COL22A1: variants seen among roughly 807,000 people sequenced by gnomAD.
COL22A1 encodes the protein collagen type XXII alpha 1 chain.
In COL22A1, 221 loss-of-function variants were observed where a neutral mutation model predicts 248.9. The ratio of observed to expected loss-of-function variants is 0.89; its 90% CI spans 0.80 to 0.99. The LOEUF (loss-of-function observed/expected upper bound fraction) is 0.99. Ranked by LOEUF, COL22A1 falls within the 50% of genes least tolerant of loss-of-function variation. The pLI is 0.00. For missense variants in COL22A1, 2,240 were observed against 2,179.0 expected (o/e 1.03, Z -0.56); for synonymous variants, 891 against 793.4 (o/e 1.12, Z -2.07).
intron 18 of COL22A1, among the ~76,000 whole-genome samples, chr8:138,758,406 C>A (rs774324677): frequency 1.3e-5 from 2 of 152,098 alleles, no homozygotes; most frequent in Non-Finnish European, 2.9e-5. Context: ...TATTATACAG[C>A]GGTAGGTAAC....
rs1587007696 is a variant in COL22A1, at chr8:138,903,785, C to T, written c.-73+9834G>A. Among the ~76,000 whole-genome samples the T allele has an allele frequency of 2.0e-5, 3 of 152,156 alleles. No individual in the cohort carries two copies. The South Asian group carries it at 6.2e-4, about 32-fold the overall frequency. On this transcript the variant is annotated intron_variant, in intron 1 of 64. Transcript: ENST00000303045. ...GGGGACCAGAATGAGCTGGCTTGGGCCCCACATCCCCCTGGATGCTGGAAT... is the reference window on the plus strand; with the variant it reads ...GGGGACCAGAATGAGCTGGCTTGGGTCCCACATCCCCCTGGATGCTGGAAT...
At chr8:138,761,749 G>C (rs187224800) in intron 17 of COL22A1, among the ~76,000 whole-genome samples, 2 of 152,188 alleles carry the variant, frequency 1.3e-5, no homozygotes, top group African/African-American at 4.8e-5. Context: ...TGTAAATGTA[G>C]TTTCTTTTGG....
intron 56 of COL22A1, among the ~76,000 whole-genome samples, chr8:138,611,183 C>T (rs1168199619): frequency 6.6e-6 from 1 of 152,268 alleles, no homozygotes. Flanking sequence ...GCTAAGGCCC[C>T]TCTTGCCTCC....
At chr8:138,804,383 T>C (rs1248560448) in intron 10 of COL22A1, among the ~76,000 whole-genome samples, 4 of 152,192 alleles carry the variant, frequency 2.6e-5, no homozygotes, top group Non-Finnish European at 5.9e-5. Context: ...CCCTTTTCAG[T>C]GCTCTTCTCC....
At chr8:138,771,406 T>C (rs1199855885) in intron 16 of COL22A1, among the ~76,000 whole-genome samples, 1 of 152,194 alleles carries the variant, frequency 6.6e-6, no homozygotes, top group African/African-American at 2.4e-5. Flanking sequence ...CCACAGGGCA[T>C]CAGGAAACAC....
intron 1 of COL22A1, among the ~76,000 whole-genome samples, chr8:138,887,407 A>G (rs901476213): frequency 2.6e-5 from 4 of 152,064 alleles, no homozygotes; most frequent in African/African-American, 9.7e-5. Context: ...TTTAGTAGAG[A>G]TGGGGCTTCA....
intron 16 of COL22A1, among the ~76,000 whole-genome samples, chr8:138,766,883 T>C (rs901079343): frequency 1.3e-5 from 2 of 152,162 alleles, no homozygotes; most frequent in African/African-American, 4.8e-5. Context: ...TTGCTGCTGT[T>C]GATTGGGTTT....
intron 37 of COL22A1, among the ~76,000 whole-genome samples, chr8:138,686,651 A>G (rs1826380582): frequency 6.7e-6 from 1 of 148,318 alleles, no homozygotes. Context: ...CCCGGCCCTC[A>G]GCCTGGGCCT....
At chr8:138,811,314 TAC>T (rs1049909999) in intron 9 of COL22A1, among the ~76,000 whole-genome samples, 2 of 149,758 alleles carry the variant, frequency 1.3e-5, no homozygotes, top group African/African-American at 4.9e-5. Flanking sequence ...TACACATACA[TAC>T]ACACACATAT....
At chr8:138,772,115 C>G (rs950064716) in intron 16 of COL22A1, among the ~76,000 whole-genome samples, 1 of 152,188 alleles carries the variant, frequency 6.6e-6, no homozygotes, top group Non-Finnish European at 1.5e-5. Flanking sequence ...CCCACCCGCA[C>G]ATCGCCAAAA....
intron 41 of COL22A1, 104 bp downstream of exon 41, chr8:138,676,445 GAAAGAAAGA>G (rs1460768942): frequency 8.9e-5 from 49 of 551,414 alleles, no homozygotes; most frequent in East Asian, 3.7e-4. Flanking sequence ...AAGAAAGAAA[GAAAGAAAGA>G]AAGGAAGAAA....
chr8:138,616,841 G>A, intron 54 of COL22A1, 73 bp downstream of exon 54: 2 of 1,560,088 alleles, frequency 1.3e-6, no homozygotes, highest in Admixed American at 1.7e-5. Context: ...CCTGCAGGCT[G>A]CAAGTATCTT....
rs1416377906 is a variant in COL22A1 at position 138,909,792 on chromosome 8, G to A, written c.-73+3827C>T. Among the ~76,000 whole-genome samples, 5 of 152,106 alleles carry A rather than the reference G, an allele frequency of 3.3e-5. No homozygotes were observed. The East Asian group carries it at 5.8e-4, about 18-fold the overall frequency. On this transcript the variant is annotated intron_variant, in intron 1 of 64. Coordinates refer to ENST00000303045, the MANE Select transcript of COL22A1 (RefSeq NM_152888.3). Reference sequence around the variant, plus strand: ...CAGGGCCACCCTCAAACACTCTCTGGGTATCTGCCAGGACTTCCCTTTGCT... The same window carrying A: ...CAGGGCCACCCTCAAACACTCTCTGAGTATCTGCCAGGACTTCCCTTTGCT...
intron 7 of COL22A1, among the ~76,000 whole-genome samples, chr8:138,814,991 TC>T (rs1818559763): frequency 1.3e-5 from 2 of 152,128 alleles, no homozygotes; most frequent in South Asian, 2.1e-4. Context: ...GATAATTGAA[TC>T]CCCATACTGT....
intron 47 of COL22A1, among the ~76,000 whole-genome samples, chr8:138,639,348 A>G (rs6983975): frequency 0.017 from 2,615 of 152,284 alleles, 70 homozygotes; most frequent in African/African-American, 0.059. Context: ...TTTTCCTAGA[A>G]CATGATGCCT....
chr8:138,778,638 C>G (rs1045198596), intron 14 of COL22A1, among the ~76,000 whole-genome samples: 1 of 152,194 alleles, frequency 6.6e-6, no homozygotes, highest in Non-Finnish European at 1.5e-5. Context: ...CTGATTCACA[C>G]CCAGATTCTC....
At chr8:138,709,968 ACC>A (rs1411662076) in intron 30 of COL22A1, among the ~76,000 whole-genome samples, 1 of 151,946 alleles carries the variant, frequency 6.6e-6, no homozygotes, top group East Asian at 1.9e-4. Context: ...GCCCTGCCCC[ACC>A]CCCATGAAGG....
At chr8:138,636,689 G>A in intron 48 of COL22A1, 53 bp downstream of exon 48, 2 of 1,342,468 alleles carry the variant, frequency 1.5e-6, no homozygotes, top group Non-Finnish European at 2.1e-6. Flanking sequence ...CCACCTGGGA[G>A]AAACAGTGCT....
rs1452684047 is a variant in COL22A1, at chr8:138,829,944, G to A, written c.845+3095C>T. On this transcript the variant is annotated intron_variant, in intron 5 of 64. Coordinates refer to ENST00000303045, the MANE Select transcript of COL22A1 (RefSeq NM_152888.3). ...CATATGTGGGTATATGTGCATGTGT[G>A]TGTATATATATATGTATATACCTAC... Among the ~76,000 whole-genome samples the A allele has an allele frequency of 1.3e-5, 2 of 152,064 alleles. 1 individual carries two copies. The highest frequency in any genetic ancestry group is 1.3e-4 in the Admixed American group (2 of 15,274).
Sources: allele counts gnomAD v4.1 joint callset (sites outside exome capture counted in the v4.1 genomes callset), GRCh38; gene constraint gnomAD v4.1.1; transcripts MANE v1.5; gene names NCBI Gene and HGNC (gene_info 2026-07-23, HGNC 2026-07-21).